HSPG2: variants seen among roughly 807,000 people sequenced by gnomAD.
The protein encoded by HSPG2 is heparan sulfate proteoglycan 2, also known as basement membrane-specific heparan sulfate proteoglycan core protein.
In HSPG2, 278 loss-of-function variants were observed where a neutral mutation model predicts 526.6. The observed-to-expected ratio is 0.53, with a 90% CI of 0.48 to 0.58. HSPG2 has a LOEUF of 0.58. Ranked by LOEUF, HSPG2 falls within the 20% of genes least tolerant of loss-of-function variation. The pLI is 0.00. For missense variants in HSPG2, 5,354 were observed against 6,099.5 expected, an observed-to-expected ratio of 0.88 and a Z score of 4.07; for synonymous variants, 2,465 against 2,555.4, an observed-to-expected ratio of 0.96 and a Z score of 1.07.
rs1445800171 is a variant in HSPG2 at position 21,887,155 on chromosome 1, G to C, written c.1078+60C>G. The C allele has an allele frequency of 6.2e-7, 1 of 1,600,914 alleles. No individual in the cohort carries two copies. The highest frequency in any genetic ancestry group is 1.3e-5 in the African/African-American group (1 of 74,594). ...GGGGCGGGGCAGGAGTGGAAGGCGG[G>C]GCAGGAGCAAGCGGCCTGGGCAGGG... On this transcript the variant is annotated intron_variant, in intron 9 of 96. Coordinates refer to ENST00000374695, the MANE Select transcript of HSPG2 (RefSeq NM_005529.7). The surrounding 1 kb of genome is among the most constrained non-coding windows in gnomAD (Gnocchi z 5.0).
rs756085358 is a variant in HSPG2 at position 21,846,435 on chromosome 1, G to T, written c.8316+13C>A. 2.5e-6 allele frequency: 4 copies of T among 1,613,220 alleles called. No homozygotes were observed. In the South Asian group the frequency reaches 3.3e-5, roughly 13 times the overall value. On this transcript the variant is annotated intron_variant, in intron 63 of 96. Coordinates refer to ENST00000374695, the MANE Select transcript of HSPG2 (RefSeq NM_005529.7). ...TCCAGCGGCTCTCCCACCATTTCCT[G>T]CCAGCTGCATACCTGATGGTGACTG... is the stretch of plus-strand genomic sequence containing the variant.
At position 21,824,355 on chromosome 1, in the gene HSPG2, C is replaced by G; in HGVS notation, c.12766G>C (p.Gly4256Arg). The G allele has an allele frequency of 6.2e-7, 1 of 1,613,862 alleles. No homozygotes were observed. Among genetic ancestry groups the G allele is most frequent in the African/African-American group, 1.3e-5 (1 of 75,046 alleles). Residue 4256 changes from glycine (G) to arginine (R), a missense_variant, in exon 94 of 97, where the codon GGC becomes CGC. Coordinates refer to ENST00000374695, the MANE Select transcript of HSPG2 (RefSeq NM_005529.7). This position sits in a 1 kb window ranked among gnomAD's most constrained non-coding sequence, Gnocchi z 5.9. ...AGCCCGAGGCTGATGAAGTCCTTGC[C>G]TTGGCCGGCCTCTCCCACCTCCTGC... Reference protein sequence around the residue: ...QGVEVGEAGQGKDFISLGLQD... With the variant: ...QGVEVGEAGQRKDFISLGLQD...
At chr1:21,844,406 C>T (rs1638261314) in intron 64 of HSPG2, 107 bp from the exon 65 acceptor site, 1 of 1,259,932 alleles carries the variant, frequency 7.9e-7, no homozygotes, top group Non-Finnish European at 1.1e-6. Flanking sequence ...GACATGGCTT[C>T]TTTCCCTTCC....
At chr1:21,849,446 G>A (rs1351597365) in intron 57 of HSPG2, among the ~76,000 whole-genome samples, 1 of 152,220 alleles carries the variant, frequency 6.6e-6, no homozygotes, top group Non-Finnish European at 1.5e-5. Flanking sequence ...GCCCCAGTGA[G>A]CTGGGTACAC....
intron 77 of HSPG2, among the ~76,000 whole-genome samples, 180 bp downstream of exon 77, chr1:21,834,499 A>G (rs1009095275): frequency 4.6e-5 from 7 of 151,802 alleles, no homozygotes; most frequent in Non-Finnish European, 1.0e-4. Flanking sequence ...GCCCTGGGGG[A>G]ATCTCACTTT....
Position 21,874,903 on chromosome 1 carries a change from C to T in HSPG2, c.3402G>A (p.Gly1134=), listed in dbSNP as rs754452842. 5.6e-6 allele frequency: 9 copies of T among 1,611,864 alleles called. No homozygotes were observed. Among genetic ancestry groups the T allele is most frequent in the African/African-American group, 1.3e-5 (1 of 74,886 alleles). The change falls in exon 26 of 97, where the codon GGG becomes GGA. Residue 1134 remains glycine, a synonymous_variant. Coordinates refer to ENST00000374695, the MANE Select transcript of HSPG2 (RefSeq NM_005529.7). ...GCCCAGGACTCACCTGGCAGGACGGCCCACGGTACCCGGGTGGGCAGGAGC... is the reference window on the plus strand; with the variant it reads ...GCCCAGGACTCACCTGGCAGGACGGTCCACGGTACCCGGGTGGGCAGGAGC... ...EQCSCPPGYR[G]PSCQDCDTGY...
chr1:21,929,703 C>CGAAA (rs1045962667), intron 1 of HSPG2, among the ~76,000 whole-genome samples: 11 of 151,816 alleles, frequency 7.2e-5, no homozygotes, highest in Non-Finnish European at 1.0e-4. Context: ...CCTCCTGGAA[C>CGAAA]TTTCCCATCT....
chr1:21,905,171 CCACACACA>C (rs759299090), intron 1 of HSPG2, among the ~76,000 whole-genome samples: 142 of 81,884 alleles, frequency 1.7e-3, no homozygotes, highest in African/African-American at 2.9e-3. Flanking sequence ...CACCACCCAC[CCACACACA>C]CACACACACA....
rs1639255775 is a variant in HSPG2 at position 21,855,395 on chromosome 1, G to A, written c.5906C>T (p.Ala1969Val). Reference sequence around the variant, plus strand: ...GCAGTACAGCCTGACGGTGCGGCCTGCGTGGACCTGGGTCCTCTCTGGGCT... The same window carrying A: ...GCAGTACAGCCTGACGGTGCGGCCTACGTGGACCTGGGTCCTCTCTGGGCT... ...QVSPERTQVH[A>V]GRTVRLYCRA... Residue 1969 changes from alanine to valine, a missense_variant, in exon 47 of 97, where the codon GCA becomes GTA. By Grantham distance (64) the Ala-to-Val change is moderately conservative. Coordinates refer to ENST00000374695, the MANE Select transcript of HSPG2 (RefSeq NM_005529.7). 6.2e-7 allele frequency: 1 copy of A among 1,613,018 alleles called. No homozygotes were observed. Among genetic ancestry groups the A allele is most frequent in the South Asian group, 1.1e-5 (1 of 90,860 alleles).
At chr1:21,936,849 T>C (rs912962125) in intron 1 of HSPG2, among the ~76,000 whole-genome samples, 4 of 152,082 alleles carry the variant, frequency 2.6e-5, no homozygotes, top group African/African-American at 7.2e-5. Context: ...CCAGGAATGG[T>C]AGGCCGGACC....
chr1:21,822,350 C>A lies in HSPG2; in HGVS notation c.*966G>T. On this transcript the variant is annotated 3_prime_UTR_variant, in exon 97 of 97. Coordinates refer to ENST00000374695, the MANE Select transcript of HSPG2 (RefSeq NM_005529.7). ...TCCCAACCCCACAGTCTGGGGGCCA[C>A]TGGCAGGATGGCACTTGAGCTGGAT... 1 of 856,740 alleles carries A rather than the reference C, an allele frequency of 1.2e-6. No individual in the cohort carries two copies. The allele number at this position is 856,740 out of a possible 1,614,324, so 53.1% of individuals were successfully genotyped here. A position where few individuals can be genotyped will look rare whatever the true frequency, so the allele number is the denominator to read the frequency against.
intron 85 of HSPG2, 22 bp from the exon 86 acceptor site, chr1:21,830,113 GAA>G (rs1229513264): frequency 2.0e-5 from 31 of 1,559,638 alleles, no homozygotes; most frequent in Non-Finnish European, 2.3e-5. Context: ...ATAGGCCAGT[GAA>G]AAGACACGGA....
chr1:21,880,965 G>A (rs1428803455), intron 14 of HSPG2, 130 bp from the exon 15 acceptor site: 5 of 987,524 alleles, frequency 5.1e-6, no homozygotes, highest in African/African-American at 1.6e-5. Flanking sequence ...GCCAGGCACT[G>A]AGCTAGGCAC....
chr1:21,868,914 G>T, intron 33 of HSPG2: 1 of 983,626 alleles, frequency 1.0e-6, no homozygotes, highest in Non-Finnish European at 1.2e-6. Context: ...CGGGGCAGCT[G>T]CCAGTAATAG....
rs759546944 is a variant in HSPG2 at position 21,829,537 on chromosome 1, G to A, written c.11838C>T (p.Asn3946=). 6.2e-7 allele frequency: 1 copy of A among 1,612,982 alleles called. No homozygotes were observed. The highest frequency in any genetic ancestry group is 2.2e-5 in the East Asian group (1 of 44,866). Residue 3946 remains asparagine (N), a synonymous_variant, in exon 87 of 97, where the codon AAC becomes AAT. Transcript: ENST00000374695. ...CGTCCAGGCGTAGCTCGTGGTGTGTGTTGGTGAGGGCGGGCAGTGCCAGGT... is the reference window on the plus strand; with the variant it reads ...CGTCCAGGCGTAGCTCGTGGTGTGTATTGGTGAGGGCGGGCAGTGCCAGGT... ...GSYLALPALT[N]THHELRLDVE...
chr1:21,907,720 C>T (rs758008236), intron 1 of HSPG2, among the ~76,000 whole-genome samples: 8 of 152,094 alleles, frequency 5.3e-5, no homozygotes, highest in Non-Finnish European at 1.2e-4. Flanking sequence ...CGCTATGTTG[C>T]CCAGGCTGGT....
rs753218269 is a variant in HSPG2, at chr1:21,828,366, C to T, written c.12298G>A (p.Gly4100Arg). 2.0e-5 allele frequency: 32 copies of T among 1,613,698 alleles called. No homozygotes were observed. Among genetic ancestry groups the T allele is most frequent in the Admixed American group, 6.7e-5 (4 of 60,002 alleles). ...TYSFLGSQGI[G>R]QCYDSSPCER... ...CATGGGGAGCTATCATAGCATTGCCCGATGCCCTGGCTGCCTAGGAAACTG... is the reference window on the plus strand; with the variant it reads ...CATGGGGAGCTATCATAGCATTGCCTGATGCCCTGGCTGCCTAGGAAACTG... Residue 4100 changes from glycine to arginine, a missense_variant, in exon 89 of 97, where the codon GGG (glycine) becomes AGG (arginine). Transcript: ENST00000374695. This position sits in a 1 kb window ranked among gnomAD's most constrained non-coding sequence, Gnocchi z 6.0.
Position 21,880,522 on chromosome 1 carries a change from C to A in HSPG2, c.2036G>T (p.Arg679Leu), listed in dbSNP as rs766963773. The change falls in exon 16 of 97, where the codon CGC (arginine) becomes CTC (leucine). Residue 679 changes from arginine (R) to leucine (L), a missense_variant. Coordinates refer to ENST00000374695, the MANE Select transcript of HSPG2 (RefSeq NM_005529.7). ...WVHESGRPVQRAELLQVLQSL... is the reference protein window; with the variant it reads ...WVHESGRPVQLAELLQVLQSL... ...CTGCAGCACCTGCAGCAGCTCCGCG[C>A]GCTGCACCGGCCGGCCAGACTCATG... 8 of 1,613,506 alleles carry A rather than the reference C, an allele frequency of 5.0e-6. No individual in the cohort carries two copies. The highest frequency in any genetic ancestry group is 6.8e-6 in the Non-Finnish European group (8 of 1,179,970).
At chr1:21,846,301 G>A in intron 63 of HSPG2, 46 bp from the exon 64 acceptor site, 2 of 1,612,302 alleles carry the variant, frequency 1.2e-6, no homozygotes, top group South Asian at 1.1e-5. Flanking sequence ...TGCCAGTCTG[G>A]AACTGTTGAA....
Sources: gnomAD v4.1 joint callset for allele counts (sites outside exome capture counted in the v4.1 genomes callset) on GRCh38, gnomAD v4.1.1 for gene constraint, Gnocchi (gnomAD v3.1) non-coding constraint, MANE v1.5 for transcripts, NCBI Gene and HGNC (gene_info 2026-07-23, HGNC 2026-07-21) for gene names.